TRIM61: variants seen among roughly 807,000 people sequenced by gnomAD.
TRIM61 encodes tripartite motif containing 61, also known as putative tripartite motif-containing protein 61.
A neutral mutation model predicts 14.2 loss-of-function variants in TRIM61; 1 was observed. The observed-to-expected ratio is 0.07, with a 90% CI of 0.03 to 0.33. The LOEUF (loss-of-function observed/expected upper bound fraction) is 0.33, where lower values mean the gene tolerates loss of function less well. Ranked by LOEUF, TRIM61 falls within the 10% of genes least tolerant of loss-of-function variation. The pLI, the probability that TRIM61 is intolerant of heterozygous loss-of-function variation, is 0.99. For synonymous variants in TRIM61, 8 were observed against 71.6 expected, an observed-to-expected ratio of 0.11 and a Z score of 4.49; for missense variants, 19 against 202.2, an observed-to-expected ratio of 0.09 and a Z score of 5.49.
At position 164,955,589 on chromosome 4, in the gene TRIM61, A is replaced by C. The variant is rs867662363; in HGVS notation, c.526-493T>G. ...GTCTCAAAAAAAAAAAAAAAAAAAAAACAAGTTTTCCAGAAGATATGTCTT... is the reference window on the plus strand; with the variant it reads ...GTCTCAAAAAAAAAAAAAAAAAAAACACAAGTTTTCCAGAAGATATGTCTT... On this transcript the variant is annotated intron_variant, in intron 3 of 4. Transcript: ENST00000329314. Among the ~76,000 whole-genome samples the C allele has an allele frequency of 4.2e-3, 633 of 150,664 alleles. 7 individuals are homozygous for C. The highest frequency in any genetic ancestry group is 0.015 in the African/African-American group (597 of 40,686).
intron 3 of TRIM61, among the ~76,000 whole-genome samples, chr4:164,955,864 A>T (rs891755928): frequency 3.3e-5 from 5 of 152,152 alleles, no homozygotes; most frequent in Non-Finnish European, 4.4e-5. Context: ...AAGAGGGTGT[A>T]GACAGGAAAT....
At chr4:164,976,246 C>T (rs373445124) in intron 2 of TRIM61, among the ~76,000 whole-genome samples, 2 of 152,178 alleles carry the variant, frequency 1.3e-5, no homozygotes, top group Non-Finnish European at 2.9e-5. Context: ...GGTGCAGGTC[C>T]TTGGTATGCT....
At chr4:164,965,860 A>T (rs1438748383) in intron 3 of TRIM61, among the ~76,000 whole-genome samples, 2 of 149,842 alleles carry the variant, frequency 1.3e-5, no homozygotes, top group Non-Finnish European at 1.5e-5. Context: ...CTGGTTAAAT[A>T]TCAGGATAGA....
chr4:164,955,246 C>G (rs187444757), intron 3 of TRIM61: 1 of 154,444 alleles, frequency 6.5e-6, no homozygotes, highest in African/African-American at 2.4e-5. Context: ...TTGGACTTCT[C>G]ATAAGGGGCC....
chr4:164,965,198 G>C (rs114909150), intron 3 of TRIM61, among the ~76,000 whole-genome samples: 231 of 152,246 alleles, frequency 1.5e-3, no homozygotes, highest in Non-Finnish European at 2.6e-3. Flanking sequence ...TAAGGCGTGA[G>C]AGTCGCTTGA....
chr4:164,959,805 C>T (rs1560882983), intron 3 of TRIM61, among the ~76,000 whole-genome samples: 2 of 152,090 alleles, frequency 1.3e-5, no homozygotes, highest in Non-Finnish European at 2.9e-5. Flanking sequence ...ACTCCTGGCT[C>T]GATTAATACA....
In TRIM61 at chr4:164,959,224, T is replaced by G. The variant is rs149209862; in HGVS notation, c.526-4128A>C. The stretch of plus-strand genomic sequence containing the variant: ...AATTTGTTGATTATATTCATTTTCT[T>G]TATAGTGCTCAATCTCCTGAAGCCC... On this transcript the variant is annotated intron_variant, in intron 3 of 4. Coordinates refer to ENST00000329314, the MANE Select transcript of TRIM61 (RefSeq NM_001012414.3). The G allele has an allele frequency of 6.0e-5, 10 of 165,412 alleles. 1 individual carries two copies. In the East Asian group the frequency reaches 1.9e-3, roughly 32 times the overall value. 10.2% of individuals were successfully genotyped at this position (165,412 alleles called of 1,614,324 possible).
At chr4:164,971,420 C>T (rs554963280) in intron 2 of TRIM61, among the ~76,000 whole-genome samples, 6 of 151,884 alleles carry the variant, frequency 4.0e-5, no homozygotes, top group Non-Finnish European at 7.4e-5. Flanking sequence ...GGAGAAACCC[C>T]GTCTCTACTA....
chr4:164,955,864 A>G (rs891755928), intron 3 of TRIM61, among the ~76,000 whole-genome samples: 2 of 152,270 alleles, frequency 1.3e-5, no homozygotes, highest in Admixed American at 6.5e-5. Context: ...AAGAGGGTGT[A>G]GACAGGAAAT....
At chr4:164,960,881 G>C (rs933451821) in intron 3 of TRIM61, among the ~76,000 whole-genome samples, 1 of 151,970 alleles carries the variant, frequency 6.6e-6, no homozygotes, top group Non-Finnish European at 1.5e-5. Context: ...AAACCAGGAA[G>C]CGGAGGTCGT....
At chr4:164,960,952 A>G (rs1206324685) in intron 3 of TRIM61, among the ~76,000 whole-genome samples, 1 of 151,904 alleles carries the variant, frequency 6.6e-6, no homozygotes, top group Non-Finnish European at 1.5e-5. Context: ...CTCTATCTCA[A>G]AAAAAATGTA....
At chr4:164,961,066 A>C (rs934972542) in intron 3 of TRIM61, among the ~76,000 whole-genome samples, 1 of 150,656 alleles carries the variant, frequency 6.6e-6, no homozygotes, top group South Asian at 2.1e-4. Flanking sequence ...ACACAAAAAG[A>C]CAATGTAAGA....
At chr4:164,970,866 A>C (rs1732349438) in intron 2 of TRIM61, among the ~76,000 whole-genome samples, 1 of 152,122 alleles carries the variant, frequency 6.6e-6, no homozygotes. Context: ...TTGGGGGGCC[A>C]AGGCGCTCAG....
chr4:164,956,258 G>T lies in TRIM61; in HGVS notation c.526-1162C>A, dbSNP rs372506323. ...TTTTTGTATTTTTTGTACAGACAGG[G>T]TTTCACCATGTTGGCCTGGCTGGTC... On this transcript the variant is annotated intron_variant, in intron 3 of 4. Transcript: ENST00000329314. Among the ~76,000 whole-genome samples the T allele has an allele frequency of 6.6e-5, 10 of 152,108 alleles. No homozygotes were observed. In the South Asian group the frequency reaches 1.5e-3, roughly 22 times the overall value.
rs1732331813 is a variant in TRIM61 at position 164,970,175 on chromosome 4, GC to G, written c.-174del. 1.5e-6 allele frequency: 1 copy of G among 648,828 alleles called. No individual in the cohort carries two copies. The highest frequency in any genetic ancestry group is 3.0e-5 in the East Asian group (1 of 33,406). The allele number at this position is 648,828 out of a possible 1,614,324, so 40.2% of individuals were successfully genotyped here. ...ATGGCAGCTTCTAGAAACTTGTTAA[GC>G]CCTCAGCTCCTTAGCTTCAGAGTCT... On this transcript the variant is annotated 5_prime_UTR_variant, in exon 3 of 5. Coordinates refer to ENST00000329314, the MANE Select transcript of TRIM61 (RefSeq NM_001012414.3).
chr4:164,959,403 T>G (rs1271136489), intron 3 of TRIM61, among the ~76,000 whole-genome samples: 1 of 152,040 alleles, frequency 6.6e-6, no homozygotes, highest in Non-Finnish European at 1.5e-5. Context: ...CTTGTTTTCC[T>G]TCTTAGTTTT....
chr4:164,970,420 G>C (rs1308730532), intron 2 of TRIM61, 81 bp from the exon 3 acceptor site: 1 of 178,570 alleles, frequency 5.6e-6, no homozygotes, highest in Non-Finnish European at 1.2e-5. Context: ...ATCAATGAAT[G>C]CTAAAATCAT....
At chr4:164,959,792 C>T (rs1241200178) in intron 3 of TRIM61, among the ~76,000 whole-genome samples, 1 of 152,162 alleles carries the variant, frequency 6.6e-6, no homozygotes, top group East Asian at 1.9e-4. Flanking sequence ...CAAACTCTGC[C>T]TAACTCCTGG....
intron 3 of TRIM61, among the ~76,000 whole-genome samples, chr4:164,965,510 T>C (rs1433313401): frequency 6.9e-6 from 1 of 145,148 alleles, no homozygotes; most frequent in East Asian, 2.4e-4. Context: ...CTCGGCTCAC[T>C]GCACCTTCTG....
Sources: gnomAD v4.1 joint callset for allele counts (sites outside exome capture counted in the v4.1 genomes callset) on GRCh38, gnomAD v4.1.1 for gene constraint, MANE v1.5 for transcripts, NCBI Gene and HGNC (gene_info 2026-07-23, HGNC 2026-07-21) for gene names.